CHRNA7: variants seen among roughly 807,000 people sequenced by gnomAD.
CHRNA7 encodes neuronal acetylcholine receptor subunit alpha-7.
In CHRNA7, 17 loss-of-function variants were observed where a neutral mutation model predicts 48.0. The ratio of observed to expected loss-of-function variants is 0.35; its 90% CI spans 0.24 to 0.53. The LOEUF (loss-of-function observed/expected upper bound fraction) is 0.53. CHRNA7 is among the 20% of genes least tolerant of loss of function. CHRNA7 has a pLI of 0.92. For synonymous variants in CHRNA7, 75 were observed against 242.3 expected, an observed-to-expected ratio of 0.31 and a Z score of 6.41; for missense variants, 155 against 577.7, an observed-to-expected ratio of 0.27 and a Z score of 7.50.
chr15:32,140,193 A>T (rs1312662636), intron 4 of CHRNA7, among the ~76,000 whole-genome samples: 1 of 149,294 alleles, frequency 6.7e-6, no homozygotes, highest in East Asian at 2.0e-4. Flanking sequence ...TGTCCTTGTG[A>T]TAGTTTGCTG....
At chr15:32,058,183 C>A (rs143390407) in intron 2 of CHRNA7, among the ~76,000 whole-genome samples, 168 of 152,296 alleles carry the variant, frequency 1.1e-3, no homozygotes, top group South Asian at 2.7e-3. Flanking sequence ...GGGTGCACCT[C>A]CTTGCCTCCT....
intron 3 of CHRNA7, among the ~76,000 whole-genome samples, chr15:32,106,658 T>G (rs1357132582): frequency 6.6e-6 from 1 of 152,182 alleles, no homozygotes; most frequent in Non-Finnish European, 1.5e-5. Context: ...CAGAAGCCAT[T>G]TCAGTTTCTG....
chr15:32,166,248 G>C (rs1373068683), intron 9 of CHRNA7: 2 of 152,270 alleles, frequency 1.3e-5, no homozygotes, highest in Admixed American at 1.3e-4. Context: ...CATTTCACCG[G>C]ACCCTGAAAG....
intron 2 of CHRNA7, among the ~76,000 whole-genome samples, chr15:32,095,725 C>G (rs944813319): frequency 1.3e-5 from 2 of 152,212 alleles, no homozygotes; most frequent in Non-Finnish European, 2.9e-5. Context: ...ATTTGACTCA[C>G]TGGTCCTCTG....
chr15:32,115,681 C>T (rs2050858028), intron 4 of CHRNA7, among the ~76,000 whole-genome samples: 1 of 152,120 alleles, frequency 6.6e-6, no homozygotes, highest in Non-Finnish European at 1.5e-5. Context: ...GAACACATTT[C>T]TCTGTCACGT....
chr15:32,116,304 A>G (rs2050870698), intron 4 of CHRNA7, among the ~76,000 whole-genome samples: 1 of 152,106 alleles, frequency 6.6e-6, no homozygotes, highest in Non-Finnish European at 1.5e-5. Context: ...GATATAATGC[A>G]TTTTCCATGC....
rs570883615 is a variant in CHRNA7 at position 32,061,842 on chromosome 15, A to G, written c.195+30805A>G. Among the ~76,000 whole-genome samples, 373 of 152,216 alleles carry G rather than the reference A, an allele frequency of 2.5e-3. 3 individuals carry two copies. The highest frequency in any genetic ancestry group is 8.9e-3 in the African/African-American group (368 of 41,534). ...AGCAACAACAAAAAACACCAAAAAA[A>G]CAACAAAACAAAACAAATAAGATGA... On this transcript the variant is annotated intron_variant, in intron 2 of 9. Transcript: ENST00000306901.
intron 2 of CHRNA7, among the ~76,000 whole-genome samples, chr15:32,082,550 T>C (rs977046024): frequency 6.6e-6 from 1 of 152,158 alleles, no homozygotes; most frequent in Non-Finnish European, 1.5e-5. Context: ...ATGTAAAATA[T>C]GGGGATCATA....
chr15:32,092,601 A>G (rs2050401202), intron 2 of CHRNA7, among the ~76,000 whole-genome samples: 1 of 152,152 alleles, frequency 6.6e-6, no homozygotes, highest in African/African-American at 2.4e-5. Flanking sequence ...GTAGAGATGC[A>G]TTATTTTTAT....
Position 32,043,815 on chromosome 15 carries a change from A to G in CHRNA7, c.195+12778A>G, listed in dbSNP as rs141636373. Among the ~76,000 whole-genome samples, 11 of 152,248 alleles carry G rather than the reference A, an allele frequency of 7.2e-5. No individual in the cohort carries two copies. In the East Asian group the frequency reaches 2.1e-3, roughly 29 times the overall value. On this transcript the variant is annotated intron_variant, in intron 2 of 9. Coordinates refer to ENST00000306901, the MANE Select transcript of CHRNA7 (RefSeq NM_000746.6). ...GTATCTTCTAACTTTCATCTGAGAT[A>G]ATTTTCCTTCTGCCCTTTAGACTTC... is the stretch of plus-strand genomic sequence containing the variant.
intron 2 of CHRNA7, among the ~76,000 whole-genome samples, chr15:32,090,435 C>G (rs1197883895): frequency 6.6e-6 from 1 of 152,194 alleles, no homozygotes; most frequent in Non-Finnish European, 1.5e-5. Flanking sequence ...CTGGGGGCTT[C>G]TCACTCTCAT....
At chr15:32,060,833 TGC>T (rs2049866847) in intron 2 of CHRNA7, among the ~76,000 whole-genome samples, 2 of 152,152 alleles carry the variant, frequency 1.3e-5, no homozygotes, top group Non-Finnish European at 2.9e-5. Flanking sequence ...GAAAACCATC[TGC>T]GGCGGGAGGG....
At chr15:32,030,707 GC>G in intron 1 of CHRNA7, 58 bp downstream of exon 1, 2 of 1,540,152 alleles carry the variant, frequency 1.3e-6, no homozygotes, top group Non-Finnish European at 1.7e-6. Context: ...CACATCCCGG[GC>G]GCCTCTGTGC....
At chr15:32,087,857 G>T (rs1427996017) in intron 2 of CHRNA7, among the ~76,000 whole-genome samples, 2 of 152,132 alleles carry the variant, frequency 1.3e-5, no homozygotes, top group African/African-American at 4.8e-5. Flanking sequence ...TTTTCTCCCA[G>T]TCACGTCAGT....
chr15:32,093,676 C>T (rs2050419407), intron 2 of CHRNA7, among the ~76,000 whole-genome samples: 2 of 152,208 alleles, frequency 1.3e-5, no homozygotes, highest in Admixed American at 6.5e-5. Context: ...GGCATTTATT[C>T]TCCCTAAAGG....
intron 4 of CHRNA7, among the ~76,000 whole-genome samples, chr15:32,144,726 A>G (rs1321968076): frequency 6.6e-6 from 1 of 152,110 alleles, no homozygotes; most frequent in Non-Finnish European, 1.5e-5. Flanking sequence ...AAGCTTGTGC[A>G]TGTGTCATGA....
chr15:32,058,220 C>T (rs527538910), intron 2 of CHRNA7, among the ~76,000 whole-genome samples: 4 of 152,244 alleles, frequency 2.6e-5, no homozygotes, highest in Non-Finnish European at 4.4e-5. Context: ...CAGGGTTGTT[C>T]GGACCCTCCA....
At chr15:32,125,268 G>A (rs933594574) in intron 4 of CHRNA7, among the ~76,000 whole-genome samples, 1 of 152,230 alleles carries the variant, frequency 6.6e-6, no homozygotes, top group Non-Finnish European at 1.5e-5. Context: ...TTACACTCAT[G>A]ATGATAACCA....
intron 4 of CHRNA7, among the ~76,000 whole-genome samples, chr15:32,130,954 G>A (rs529980867): frequency 6.6e-6 from 1 of 152,086 alleles, no homozygotes; most frequent in South Asian, 2.1e-4. Context: ...TGAGTGTACA[G>A]TAAGTTATTT....
Sources: gnomAD v4.1 joint callset for allele counts (sites outside exome capture counted in the v4.1 genomes callset) on GRCh38, gnomAD v4.1.1 for gene constraint, MANE v1.5 for transcripts, NCBI Gene and HGNC (gene_info 2026-07-23, HGNC 2026-07-21) for gene names.